Variants in RIF1 observed in about 807,000 individuals in gnomAD.
RIF1 encodes the protein replication timing regulatory factor 1.
In RIF1, 45 loss-of-function variants were observed where a neutral mutation model predicts 247.1. The observed-to-expected ratio is 0.18, with a 90% CI of 0.14 to 0.23. The LOEUF is 0.23. Among genes scored for constraint, RIF1 ranks in the 10% least tolerant of loss-of-function variants. RIF1 has a pLI of 1.00. For missense variants in RIF1, 2,967 were observed against 2,862.5 expected (o/e 1.04, Z -0.83); for synonymous variants, 1,087 against 978.8 (o/e 1.11, Z -2.06).
chr2:151,443,372 A>G (rs751026926), intron 17 of RIF1, 43 bp downstream of exon 17: 3 of 1,374,690 alleles, frequency 2.2e-6, no homozygotes, highest in Admixed American at 1.9e-5. Flanking sequence ...TGGAAAGGTT[A>G]TGTAATGAAT....
chr2:151,437,846 G>T (rs1691535895), intron 13 of RIF1, among the ~76,000 whole-genome samples: 1 of 152,186 alleles, frequency 6.6e-6, no homozygotes, highest in South Asian at 2.1e-4. Context: ...TATACAGGAA[G>T]TACATAAGTT....
chr2:151,525,143 T>C, the RIF1 span: 1 of 1,553,418 alleles, frequency 6.4e-7, no homozygotes, highest in East Asian at 2.2e-5. Context: ...CCCCCAAGAG[T>C]GTTGAGAGGG....
the RIF1 span, chr2:151,514,395 G>A: frequency 5.0e-6 from 8 of 1,613,334 alleles, no homozygotes; most frequent in Middle Eastern, 1.6e-4. Flanking sequence ...CCCTTCCCAC[G>A]GATGCTTTCC....
the RIF1 span, chr2:151,524,356 G>A: frequency 1.2e-6 from 2 of 1,613,882 alleles, no homozygotes; most frequent in Admixed American, 3.3e-5. Context: ...CTATGTCTGG[G>A]CGACCGAGCA....
At chr2:151,507,065 CTTT>C in intron 13 of RIF1, 2 of 1,122,548 alleles carry the variant, frequency 1.8e-6, no homozygotes, top group Non-Finnish European at 1.3e-6. Context: ...GCTTTGTTTT[CTTT>C]ATTTGTCCTA....
Position 151,503,412 on chromosome 2 carries a change from G to A in RIF1, c.*861+227G>A. On this transcript the variant is annotated intron_variant and NMD_transcript_variant, in intron 12 of 13. Transcript: ENST00000454583. ...TCTCTGGAGTCACAGTGGTTGGAAT[G>A]CCTGTTCCCAAGTTTTCTTTGTACA... 3.1e-6 allele frequency: 5 copies of A among 1,612,208 alleles called. No individual in the cohort carries two copies. The highest frequency in any genetic ancestry group is 4.2e-6 in the Non-Finnish European group (5 of 1,178,492).
intron 10 of RIF1, among the ~76,000 whole-genome samples, chr2:151,433,809 T>C (rs1029034159): frequency 6.6e-6 from 1 of 152,116 alleles, no homozygotes; most frequent in Non-Finnish European, 1.5e-5. Context: ...ACAAGCATTA[T>C]GATTTTAAAC....
In RIF1 at chr2:151,443,269, C is replaced by T; in HGVS notation, c.1745C>T (p.Ala582Val). 6.3e-7 allele frequency: 1 copy of T among 1,590,122 alleles called. No homozygotes were observed. The part of the protein sequence containing the change: ...ANMDILNGTP[A>V]LFLIQLIFNN... Reference sequence around the variant, plus strand: ...CATTTTCTCCTTCAGGGAACTCCAGCTTTGTTCTTAATTCAATTAATTTTC... The same window carrying T: ...CATTTTCTCCTTCAGGGAACTCCAGTTTTGTTCTTAATTCAATTAATTTTC... Residue 582 changes from alanine to valine, a missense_variant, in exon 17 of 36, where the codon GCT becomes GTT. Physicochemically the swap from Ala to Val is moderately conservative, Grantham distance 64 (BLOSUM62 0). Transcript: ENST00000444746.
At chr2:151,501,441 C>G in intron 11 of RIF1, 1 of 1,543,238 alleles carries the variant, frequency 6.5e-7, no homozygotes, top group Non-Finnish European at 8.8e-7. Flanking sequence ...TCAGGAGTGA[C>G]AGGTAGGGGA....
the RIF1 span, chr2:151,531,710 C>T: frequency 9.2e-6 from 10 of 1,092,860 alleles, no homozygotes; most frequent in Non-Finnish European, 1.4e-6. Flanking sequence ...GTCTCCCAGA[C>T]TTTGTGACAA....
intron 3 of RIF1, among the ~76,000 whole-genome samples, chr2:151,413,992 A>G (rs1196819359): frequency 1.3e-5 from 2 of 152,224 alleles, no homozygotes; most frequent in African/African-American, 2.4e-5. Context: ...TAGCTTTTAC[A>G]TAAATGGTAT....
chr2:151,438,094 C>A (rs558800476), intron 13 of RIF1, among the ~76,000 whole-genome samples: 2 of 152,078 alleles, frequency 1.3e-5, no homozygotes, highest in Non-Finnish European at 2.9e-5. Flanking sequence ...AGTGGGCATT[C>A]AATTCAGAAA....
the RIF1 span, chr2:151,518,299 T>C: frequency 6.5e-7 from 1 of 1,531,920 alleles, no homozygotes; most frequent in Non-Finnish European, 9.0e-7. Context: ...AGAGGAAAAA[T>C]CGGTCTTGAT....
intron 8 of RIF1, among the ~76,000 whole-genome samples, chr2:151,427,912 C>T (rs1689406849): frequency 6.6e-6 from 1 of 152,112 alleles, no homozygotes; most frequent in Admixed American, 6.6e-5. Flanking sequence ...AAATAAGTAG[C>T]CAGGCATGGT....
chr2:151,514,554 A>G, the RIF1 span: 1 of 778,388 alleles, frequency 1.3e-6, no homozygotes, highest in Non-Finnish European at 2.2e-6. Context: ...AAAAATATGA[A>G]TACAGGCAGG....
chr2:151,418,968 CTTTTTTTTTTTT>C lies in RIF1; in HGVS notation c.504-1210_504-1199del, dbSNP rs36020810. On this transcript the variant is annotated intron_variant, in intron 6 of 35. Transcript: ENST00000444746. ...ATCCTTATTCTAGGAGCCTTAAATT[CTTTTTTTTTTTT>C]TTTTTTTTTTTAACTTTCATAACTT... Among the ~76,000 whole-genome samples, 313 of 111,750 alleles carry C rather than the reference CTTTTTTTTTTTT, an allele frequency of 2.8e-3. 1 individual carries two copies. The highest frequency in any genetic ancestry group is 5.4e-3 in the Admixed American group (56 of 10,446). 73.3% of individuals were successfully genotyped at this position (111,750 alleles called of 152,430 possible).
intron 4 of RIF1, among the ~76,000 whole-genome samples, chr2:151,415,886 A>C (rs535066341): frequency 9.2e-5 from 14 of 152,178 alleles, no homozygotes; most frequent in Non-Finnish European, 4.4e-5. Context: ...AAAAAAATCA[A>C]ATGAAAAGGG....
At chr2:151,512,945 T>C (rs2075581800), downstream of RIF1, 1 of 719,046 alleles carries the variant, frequency 1.4e-6, no homozygotes, top group South Asian at 1.7e-5. Flanking sequence ...GAGGGACTCA[T>C]TCATTTGACA....
In RIF1 at chr2:151,464,899, T is replaced by G; in HGVS notation, c.5379T>G (p.Ser1793Arg). The G allele has an allele frequency of 6.3e-7, 1 of 1,582,712 alleles. No individual in the cohort carries two copies. The highest frequency in any genetic ancestry group is 8.5e-7 in the Non-Finnish European group (1 of 1,170,122). ...SEGQFLDEHH[S>R]VNFHLGLKED... ...GACAATTTTTAGATGAACATCATAG[T>G]GTGAATTTTCATTTGGGTCTCAAAG... The change falls in exon 30 of 36, where the codon AGT becomes AGG. Residue 1793 changes from serine to arginine, a missense_variant. Coordinates refer to ENST00000444746, the MANE Select transcript of RIF1 (RefSeq NM_018151.5).
Sources: gnomAD v4.1 joint callset for allele counts (sites outside exome capture counted in the v4.1 genomes callset) on GRCh38, gnomAD v4.1.1 for gene constraint, MANE v1.5 for transcripts, NCBI Gene and HGNC (gene_info 2026-07-23, HGNC 2026-07-21) for gene names.